Variants in LRRC8D observed in about 807,000 individuals in gnomAD.
LRRC8D encodes leucine rich repeat containing 8 VRAC subunit D.
A neutral mutation model predicts 55.8 loss-of-function variants in LRRC8D; 20 were observed. The ratio of observed to expected loss-of-function variants is 0.36; its 90% CI spans 0.25 to 0.52. The LOEUF (loss-of-function observed/expected upper bound fraction) is 0.52, where lower values mean the gene tolerates loss of function less well. Among genes scored for constraint, LRRC8D ranks in the 20% least tolerant of loss-of-function variants. LRRC8D has a pLI of 0.93. For synonymous variants in LRRC8D, 352 were observed against 377.0 expected (o/e 0.93, Z 0.77); for missense variants, 651 against 1,030.8 (o/e 0.63, Z 5.05).
chr1:89,931,556 C>T (rs1170319409), intron 2 of LRRC8D, among the ~76,000 whole-genome samples: 1 of 151,940 alleles, frequency 6.6e-6, no homozygotes, highest in Non-Finnish European at 1.5e-5. Context: ...GTCAGGAGTT[C>T]GAGACCAGCC....
chr1:89,833,849 A>C (rs1190244528), intron 1 of LRRC8D: 1 of 152,108 alleles, frequency 6.6e-6, no homozygotes, highest in Non-Finnish European at 1.5e-5. Flanking sequence ...CCTGTATTCC[A>C]GTGTGAATGA....
intron 2 of LRRC8D, among the ~76,000 whole-genome samples, chr1:89,928,103 T>C (rs923500275): frequency 6.6e-6 from 1 of 152,210 alleles, no homozygotes; most frequent in African/African-American, 2.4e-5. Flanking sequence ...GGAGTCTTGC[T>C]CTGTTTCCCA....
At chr1:89,909,253 C>A (rs1421433799) in intron 2 of LRRC8D, among the ~76,000 whole-genome samples, 1 of 152,048 alleles carries the variant, frequency 6.6e-6, no homozygotes, top group Admixed American at 6.5e-5. Context: ...TATGCTTGTG[C>A]AATTCAGGTC....
chr1:89,843,554 C>T (rs1427151199), intron 1 of LRRC8D, 84 bp from the exon 2 acceptor site: 7 of 686,660 alleles, frequency 1.0e-5, no homozygotes, highest in Non-Finnish European at 1.9e-5. Flanking sequence ...CTGGTCTTGC[C>T]TCCCCGCCGC....
intron 2 of LRRC8D, among the ~76,000 whole-genome samples, chr1:89,855,436 A>T (rs116532300): frequency 0.011 from 1,632 of 152,346 alleles, 22 homozygotes; most frequent in African/African-American, 0.038. Context: ...GTAATAATTT[A>T]ACAAGCCTAA....
chr1:89,882,817 G>A (rs1662318194), intron 2 of LRRC8D, among the ~76,000 whole-genome samples: 1 of 152,182 alleles, frequency 6.6e-6, no homozygotes, highest in African/African-American at 2.4e-5. Context: ...GAAACTAGAT[G>A]GCCGTTCCAT....
At chr1:89,849,216 A>G (rs1661352276) in intron 2 of LRRC8D, among the ~76,000 whole-genome samples, 1 of 152,224 alleles carries the variant, frequency 6.6e-6, no homozygotes, top group Admixed American at 6.5e-5. Flanking sequence ...GTTAAGTTAA[A>G]ACTGTAAACA....
intron 2 of LRRC8D, among the ~76,000 whole-genome samples, chr1:89,899,536 C>T (rs17130922): frequency 6.6e-6 from 1 of 152,174 alleles, no homozygotes; most frequent in Admixed American, 6.6e-5. Flanking sequence ...TGGAGAGGAC[C>T]TTGAGGAAAG....
At chr1:89,928,394 A>G (rs1000142680) in intron 2 of LRRC8D, among the ~76,000 whole-genome samples, 3 of 152,122 alleles carry the variant, frequency 2.0e-5, no homozygotes, top group Non-Finnish European at 4.4e-5. Flanking sequence ...TTATTAGACA[A>G]CATGATAGCA....
intron 2 of LRRC8D, among the ~76,000 whole-genome samples, chr1:89,868,100 A>G (rs1453868228): frequency 6.6e-6 from 1 of 152,250 alleles, no homozygotes; most frequent in Non-Finnish European, 1.5e-5. Context: ...AATGTAAGCC[A>G]TTCCCTTTCA....
At chr1:89,914,727 T>C (rs1430732935) in intron 2 of LRRC8D, among the ~76,000 whole-genome samples, 1 of 150,562 alleles carries the variant, frequency 6.6e-6, no homozygotes, top group African/African-American at 2.5e-5. Context: ...ATTTATACAC[T>C]TTATTGTCTT....
At chr1:89,830,105 A>G (rs922682062) in intron 1 of LRRC8D, among the ~76,000 whole-genome samples, 1 of 152,226 alleles carries the variant, frequency 6.6e-6, no homozygotes, top group African/African-American at 2.4e-5. Flanking sequence ...ATAAATATCC[A>G]TGTATCTACA....
rs1433760353 is a variant in LRRC8D, at chr1:89,854,828, G to A, written c.-3+11046G>A. 2.0e-5 allele frequency among the ~76,000 whole-genome samples: 3 copies of A among 152,204 alleles called. No homozygotes were observed. In the East Asian group the frequency reaches 5.8e-4, roughly 29 times the overall value. On this transcript the variant is annotated intron_variant, in intron 2 of 2. Coordinates refer to ENST00000337338, the MANE Select transcript of LRRC8D (RefSeq NM_001134479.2). ...AGCTGTTAGATAACCGTACCCAGGT[G>A]TCTGCAGTTGTGTCTGTACCTGGCA...
chr1:89,868,810 G>A (rs1661920020), intron 2 of LRRC8D, among the ~76,000 whole-genome samples: 1 of 152,156 alleles, frequency 6.6e-6, no homozygotes, highest in Non-Finnish European at 1.5e-5. Context: ...ACACAAAAAT[G>A]TCTTTCTTAT....
chr1:89,852,834 A>C (rs1397411407), intron 2 of LRRC8D, among the ~76,000 whole-genome samples: 1 of 152,164 alleles, frequency 6.6e-6, no homozygotes, highest in South Asian at 2.1e-4. Flanking sequence ...AACATGGACT[A>C]GGAGTGAATG....
chr1:89,854,634 G>A (rs180903992), intron 2 of LRRC8D, among the ~76,000 whole-genome samples: 1 of 152,284 alleles, frequency 6.6e-6, no homozygotes, highest in Non-Finnish European at 1.5e-5. Flanking sequence ...GTCCTCTCAA[G>A]TCTTCTGTAG....
intron 1 of LRRC8D, among the ~76,000 whole-genome samples, chr1:89,841,334 T>G (rs1661126365): frequency 6.6e-6 from 1 of 151,130 alleles, no homozygotes; most frequent in African/African-American, 2.4e-5. Flanking sequence ...GTCTGTGAGG[T>G]GAGGAGAAAA....
intron 1 of LRRC8D, chr1:89,833,712 G>A (rs1404716866): frequency 6.6e-6 from 1 of 152,182 alleles, no homozygotes; most frequent in Admixed American, 6.5e-5. Context: ...ATGTGTGTCA[G>A]GCAGTGAGCT....
chr1:89,838,588 G>A (rs4658336), intron 1 of LRRC8D, among the ~76,000 whole-genome samples: 146,153 of 152,288 alleles, frequency 0.96, 70,401 homozygotes, highest in Middle Eastern at 1. Context: ...TGTGCTGGGA[G>A]CATTTTGAAC....
Sources: gnomAD v4.1 joint callset for allele counts (sites outside exome capture counted in the v4.1 genomes callset) on GRCh38, gnomAD v4.1.1 for gene constraint, MANE v1.5 for transcripts, NCBI Gene and HGNC (gene_info 2026-07-23, HGNC 2026-07-21) for gene names.